The following ZNF343 variants were observed in gnomAD, a reference collection of about 807,000 sequenced individuals.
ZNF343 encodes the protein zinc finger protein 343.
ZNF343 carries 11 observed loss-of-function variants against 13.8 expected under a neutral mutation model. That is an observed-to-expected ratio of 0.80 (90% CI 0.50 to 1.32). ZNF343 has a LOEUF of 1.32. Among genes scored for constraint, ZNF343 ranks in the 40% most tolerant of loss-of-function variants. The pLI, the probability that ZNF343 is intolerant of heterozygous loss-of-function variation, is 0.00. For missense variants in ZNF343, 658 were observed against 714.2 expected, an observed-to-expected ratio of 0.92 and a Z score of 0.90; for synonymous variants, 248 against 260.0, an observed-to-expected ratio of 0.95 and a Z score of 0.44.
chr20:2,504,180 C>T (rs1446699811), intron 1 of ZNF343, among the ~76,000 whole-genome samples: 2 of 152,192 alleles, frequency 1.3e-5, no homozygotes, highest in East Asian at 3.8e-4. Context: ...ATACTATAAA[C>T]ACCTCTACGC....
chr20:2,507,826 G>C (rs1400875881), intron 1 of ZNF343, among the ~76,000 whole-genome samples: 1 of 151,996 alleles, frequency 6.6e-6, no homozygotes, highest in African/African-American at 2.4e-5. Flanking sequence ...TTGTCCCTAC[G>C]AAAAAATTAA....
intron 1 of ZNF343, among the ~76,000 whole-genome samples, chr20:2,503,416 C>T (rs1407172502): frequency 3.9e-5 from 6 of 152,164 alleles, no homozygotes; most frequent in Non-Finnish European, 8.8e-5. Context: ...AGAAAGTTAA[C>T]AAGGATATCC....
Position 2,483,379 on chromosome 20 carries a change from G to C in ZNF343, c.1582C>G (p.Arg528Gly), listed in dbSNP as rs371356514. 1.9e-6 allele frequency: 3 copies of C among 1,611,300 alleles called. No individual in the cohort carries two copies. In the African/African-American group the frequency reaches 4.1e-5, roughly 22 times the overall value. The change falls in exon 6 of 6, where the codon CGA becomes GGA. Residue 528 changes from arginine to glycine, a missense_variant. Arg to Gly is a moderately radical substitution (Grantham distance 125). Transcript: ENST00000278772. ...EKPYICRECG[R>G]GFCDKSTLIV... is the part of the protein sequence containing the mutation. ...AGGGTTGACTTGTCACAAAAGCCTC[G>C]CCCACATTCCCTGCAAATATAAGGC...
intron 1 of ZNF343, among the ~76,000 whole-genome samples, chr20:2,501,479 C>G (rs377227345): frequency 1.3e-5 from 2 of 152,290 alleles, no homozygotes; most frequent in African/African-American, 4.8e-5. Context: ...TCTCCCAGCA[C>G]GCAGCTGGAG....
rs1332084279 is a variant in ZNF343, at chr20:2,506,784, G to A, written c.-237+2097C>T. 7.2e-5 allele frequency among the ~76,000 whole-genome samples: 11 copies of A among 152,142 alleles called. No individual in the cohort carries two copies. In the South Asian group the frequency reaches 1.0e-3, roughly 14 times the overall value. On this transcript the variant is annotated intron_variant, in intron 1 of 5. Transcript: ENST00000278772. ...CACAGGAAGGGGAACATCACACCCC[G>A]GGGCCTGTTGTGGGGTGAGGGGAGC... is the stretch of plus-strand genomic sequence containing the variant.
intron 3 of ZNF343, 80 bp from the exon 4 acceptor site, chr20:2,493,657 T>C (rs999694021): frequency 9.8e-7 from 1 of 1,015,510 alleles, no homozygotes; most frequent in Admixed American, 2.3e-5. Context: ...TGAGCAGCTC[T>C]TCTGAGCCTT....
At chr20:2,514,114 T>C (rs1475220124) in intron 1 of ZNF343, among the ~76,000 whole-genome samples, 1 of 152,016 alleles carries the variant, frequency 6.6e-6, no homozygotes, top group Non-Finnish European at 1.5e-5. Context: ...AGAAAATAAA[T>C]AGAAAAAGAA....
At chr20:2,512,663 T>C (rs2085743414), upstream of ZNF343, among the ~76,000 whole-genome samples, 1 of 152,042 alleles carries the variant, frequency 6.6e-6, no homozygotes. Flanking sequence ...AAAAATTAAC[T>C]CAAAGACTAT....
upstream of ZNF343, among the ~76,000 whole-genome samples, chr20:2,512,691 A>G (rs1328789155): frequency 6.6e-6 from 1 of 152,226 alleles, no homozygotes; most frequent in Non-Finnish European, 1.5e-5. Context: ...TAAATATAAA[A>G]GCTAAAACTC....
chr20:2,498,405 T>C (rs2085497460), intron 2 of ZNF343, among the ~76,000 whole-genome samples: 1 of 152,222 alleles, frequency 6.6e-6, no homozygotes, highest in Non-Finnish European at 1.5e-5. Context: ...TGAGGGCAAC[T>C]TTCCCTGAGA....
upstream of ZNF343, among the ~76,000 whole-genome samples, chr20:2,513,666 CA>C (rs1032756570): frequency 6.6e-6 from 1 of 152,136 alleles, no homozygotes; most frequent in African/African-American, 2.4e-5. Flanking sequence ...GGTGTTCAAA[CA>C]AAAACTTTTA....
chr20:2,494,748 G>A (rs986222148), intron 2 of ZNF343, among the ~76,000 whole-genome samples: 1 of 149,776 alleles, frequency 6.7e-6, no homozygotes, highest in African/African-American at 2.5e-5. Context: ...TAGCCTGGAC[G>A]GCAGGAGTAA....
chr20:2,483,806 C>T lies in ZNF343; in HGVS notation c.1155G>A (p.Glu385=). ...HSGEKPYVCL[E]CGRSFCDKST... ...ACTTATCACAAAAGCTTCGTCCACACTCCAGGCACACATAGGGTTTCTCAC... is the reference window on the plus strand; with the variant it reads ...ACTTATCACAAAAGCTTCGTCCACATTCCAGGCACACATAGGGTTTCTCAC... Residue 385 remains glutamate, a synonymous_variant, in exon 6 of 6, where the codon GAG becomes GAA. Transcript: ENST00000278772. 1.2e-6 allele frequency: 2 copies of T among 1,613,946 alleles called. No homozygotes were observed. Among genetic ancestry groups the T allele is most frequent in the Non-Finnish European group, 1.7e-6 (2 of 1,179,932 alleles).
At chr20:2,488,502 T>C (rs1280712648) in intron 5 of ZNF343, among the ~76,000 whole-genome samples, 1 of 152,144 alleles carries the variant, frequency 6.6e-6, no homozygotes, top group Non-Finnish European at 1.5e-5. Context: ...CAATGTTTTC[T>C]TTCTTTATTT....
intron 5 of ZNF343, among the ~76,000 whole-genome samples, chr20:2,488,813 C>A (rs993008563): frequency 6.6e-6 from 1 of 152,076 alleles, no homozygotes; most frequent in Non-Finnish European, 1.5e-5. Context: ...GGGACGCCCA[C>A]GCAGGTGGAT....
At chr20:2,489,871 G>A (rs1032746933) in intron 5 of ZNF343, among the ~76,000 whole-genome samples, 6 of 152,066 alleles carry the variant, frequency 3.9e-5, no homozygotes, top group African/African-American at 7.2e-5. Context: ...AAAGAGACTC[G>A]GGCCGGGCTA....
chr20:2,512,038 G>T (rs547246277), upstream of ZNF343, among the ~76,000 whole-genome samples: 2 of 152,122 alleles, frequency 1.3e-5, no homozygotes, highest in Non-Finnish European at 2.9e-5. Flanking sequence ...ACTAACAAAC[G>T]ATTTGAAAAT....
chr20:2,514,283 G>A (rs2085750177), intron 1 of ZNF343, among the ~76,000 whole-genome samples: 1 of 152,132 alleles, frequency 6.6e-6, no homozygotes, highest in African/African-American at 2.4e-5. Flanking sequence ...CTTTATATGA[G>A]CTAAAAGCCA....
Position 2,483,621 on chromosome 20 carries a change from C to G in ZNF343, c.1340G>C (p.Cys447Ser). 1 of 1,613,894 alleles carries G rather than the reference C, an allele frequency of 6.2e-7. No individual in the cohort carries two copies. ...YVCRECGRGF[C>S]DKSTLIIHER... ...GTGTATGATGAGGGTTGACTTGTCA[C>G]AAAAGCCTCGCCCACACTCCCTGCA... is the stretch of plus-strand genomic sequence containing the variant. Residue 447 changes from cysteine to serine, a missense_variant, in exon 6 of 6, where the codon TGT (cysteine) becomes TCT (serine). By Grantham distance (112) the Cys-to-Ser change is moderately radical. Coordinates refer to ENST00000278772, the MANE Select transcript of ZNF343 (RefSeq NM_024325.6).
Sources: gnomAD v4.1 joint callset for allele counts (sites outside exome capture counted in the v4.1 genomes callset) on GRCh38, gnomAD v4.1.1 for gene constraint, MANE v1.5 for transcripts, NCBI Gene and HGNC (gene_info 2026-07-23, HGNC 2026-07-21) for gene names.